TTC24: variants seen among roughly 807,000 people sequenced by gnomAD.
The protein encoded by TTC24 is tetratricopeptide repeat protein 24.
In TTC24, 54 loss-of-function variants were observed where a neutral mutation model predicts 63.3. The observed-to-expected ratio is 0.85, with a 90% CI of 0.69 to 1.07. The LOEUF (loss-of-function observed/expected upper bound fraction) is 1.07. Among genes scored for constraint, TTC24 ranks in the 50% least tolerant of loss-of-function variants. The pLI, the probability that TTC24 is intolerant of heterozygous loss-of-function variation, is 0.00. For missense variants in TTC24, 680 were observed against 730.5 expected, an observed-to-expected ratio of 0.93 and a Z score of 0.80; for synonymous variants, 276 against 304.3, an observed-to-expected ratio of 0.91 and a Z score of 0.97.
chr1:156,585,400 C>T, intron 8 of TTC24, 169 bp downstream of exon 8: 1 of 621,200 alleles, frequency 1.6e-6, no homozygotes, highest in Non-Finnish European at 2.8e-6. Context: ...CCCTGGCTGT[C>T]CCAGTTCGCA....
Position 156,581,986 on chromosome 1 carries a change from G to A in TTC24, c.622G>A (p.Gly208Arg). ...GAAAGCMLKSGRHRVGEVVQV... is the reference protein window; with the variant it reads ...GAAAGCMLKSRRHRVGEVVQV... The stretch of plus-strand genomic sequence containing the variant: ...TGCGGCAGGATGTATGCTGAAGAGT[G>A]GGCGGCATCGGGTGGGGGAAGTTGT... The change falls in exon 2 of 11, where the codon GGG becomes AGG. Residue 208 changes from glycine to arginine, a missense_variant. Coordinates refer to ENST00000368236, the MANE Select transcript of TTC24 (RefSeq NM_001105669.4). 2.6e-6 allele frequency: 4 copies of A among 1,512,642 alleles called. No individual in the cohort carries two copies. The highest frequency in any genetic ancestry group is 2.6e-5 in the South Asian group (2 of 77,840). The allele number at this position is 1,512,642 out of a possible 1,614,324, so 93.7% of individuals were successfully genotyped here.
chr1:156,581,485 A>G lies in TTC24; in HGVS notation c.121A>G (p.Arg41Gly). The change falls in exon 2 of 11, where the codon AGG becomes GGG. Residue 41 changes from arginine to glycine, a missense_variant. By Grantham distance (125) the Arg-to-Gly change is moderately radical (BLOSUM62 -2). Coordinates refer to ENST00000368236, the MANE Select transcript of TTC24 (RefSeq NM_001105669.4). ...AGAAGCCAGCATCCAAGCCCTCACCAGGGCTGGCCATGGGGCCCTTCAGGC... is the reference window on the plus strand; with the variant it reads ...AGAAGCCAGCATCCAAGCCCTCACCGGGGCTGGCCATGGGGCCCTTCAGGC... ...RQEASIQALT[R>G]AGHGALQAGQ... The G allele has an allele frequency of 6.4e-7, 1 of 1,551,404 alleles. No homozygotes were observed. Among genetic ancestry groups the G allele is most frequent in the Non-Finnish European group, 8.7e-7 (1 of 1,146,784 alleles).
In TTC24 at chr1:156,585,157, A is replaced by G. The variant is rs765702288; in HGVS notation, c.1382A>G (p.Glu461Gly). 9.9e-6 allele frequency: 16 copies of G among 1,613,274 alleles called. No homozygotes were observed. The African/African-American group carries it at 1.3e-4, about 13-fold the overall frequency. The part of the protein sequence containing the change: ...SSSGWEDEEF[E>G]EGHQKKKEER... ...AGTGGGTGGGAAGATGAAGAGTTTGAGGAGGGCCACCAGAAGAAAAAAGAG... is the reference window on the plus strand; with the variant it reads ...AGTGGGTGGGAAGATGAAGAGTTTGGGGAGGGCCACCAGAAGAAAAAAGAG... Residue 461 changes from glutamate to glycine, a missense_variant, in exon 8 of 11, where the codon GAG (glutamate) becomes GGG (glycine). Physicochemically the swap from Glu to Gly is moderately conservative, Grantham distance 98 (BLOSUM62 -2). Transcript: ENST00000368236.
Position 156,585,129 on chromosome 1 carries a change from T to C in TTC24, c.1354T>C (p.Ser452Pro), listed in dbSNP as rs1414754800. 4 of 1,610,782 alleles carry C rather than the reference T, an allele frequency of 2.5e-6. No homozygotes were observed. The highest frequency in any genetic ancestry group is 3.4e-6 in the Non-Finnish European group (4 of 1,178,400). The change falls in exon 8 of 11, where the codon TCC becomes CCC. Residue 452 changes from serine (S) to proline (P), a missense_variant. Coordinates refer to ENST00000368236, the MANE Select transcript of TTC24 (RefSeq NM_001105669.4). Reference protein sequence around the residue: ...SSTAGVQHRSSSGWEDEEFEE... With the variant: ...SSTAGVQHRSPSGWEDEEFEE... ...CCTGGTTCCTTGCCCCTACAGATCTTCCAGTGGGTGGGAAGATGAAGAGTT... is the reference window on the plus strand; with the variant it reads ...CCTGGTTCCTTGCCCCTACAGATCTCCCAGTGGGTGGGAAGATGAAGAGTT...
chr1:156,585,683 G>T, intron 8 of TTC24, 30 bp from the exon 9 acceptor site: 1 of 1,512,610 alleles, frequency 6.6e-7, no homozygotes, highest in Non-Finnish European at 9.2e-7. Context: ...TTGTTGAGCT[G>T]ACCTGAATTT....
intron 10 of TTC24, 115 bp from the exon 11 acceptor site, chr1:156,586,354 C>A (rs974905851): frequency 3.6e-6 from 3 of 840,734 alleles, no homozygotes; most frequent in Middle Eastern, 3.4e-4. Flanking sequence ...TTCTCTGGAG[C>A]CCACCAGCAG....
At position 156,587,478 on chromosome 1, in the gene TTC24, AT is replaced by A. The variant is rs1321319130; in HGVS notation, c.*929del. ...TACCCAGAGTCCATTGTGATTTAAT[AT>A]CAAGTGTGTCTATGCCCGTTGTATG... On this transcript the variant is annotated 3_prime_UTR_variant, in exon 11 of 11. Transcript: ENST00000368236. 3.9e-5 allele frequency among the ~76,000 whole-genome samples: 6 copies of A among 152,206 alleles called. No individual in the cohort carries two copies. The highest frequency in any genetic ancestry group is 8.8e-5 in the Non-Finnish European group (6 of 68,042).
In TTC24 at chr1:156,581,896, C is replaced by T; in HGVS notation, c.532C>T (p.Gln178Ter). ...GCCTGAGCTAGCAGCCCACTGCCTGCAGGAAGCAAGCCAGGCCTATGCTCA... is the reference window on the plus strand; with the variant it reads ...GCCTGAGCTAGCAGCCCACTGCCTGTAGGAAGCAAGCCAGGCCTATGCTCA... The part of the protein sequence containing the change: ...GQPELAAHCL[Q>*]EASQAYAQER... The change falls in exon 2 of 11, where the codon CAG becomes TAG. Residue 178 changes from glutamine to a stop codon, truncating the protein, a stop_gained. Coordinates refer to ENST00000368236, the MANE Select transcript of TTC24 (RefSeq NM_001105669.4). LOFTEE classifies it high-confidence loss of function. The T allele has an allele frequency of 6.5e-7, 1 of 1,547,250 alleles. No homozygotes were observed. The highest frequency in any genetic ancestry group is 8.7e-7 in the Non-Finnish European group (1 of 1,144,486).
At position 156,582,236 on chromosome 1, in the gene TTC24, C is replaced by T; in HGVS notation, c.712C>T (p.Leu238Phe). The T allele has an allele frequency of 6.4e-7, 1 of 1,551,276 alleles. No individual in the cohort carries two copies. The highest frequency in any genetic ancestry group is 2.0e-5 in the Admixed American group (1 of 50,972). ...RSTERRLLGH[L>F]YNDLGLGYSQ... ...ACCCTGGCTATTCCCTCTAGGGCACCTCTATAACGATCTAGGCCTGGGCTA... is the reference window on the plus strand; with the variant it reads ...ACCCTGGCTATTCCCTCTAGGGCACTTCTATAACGATCTAGGCCTGGGCTA... Residue 238 changes from leucine to phenylalanine, a missense_variant, in exon 3 of 11, where the codon CTC becomes TTC. Leu to Phe is a conservative substitution (Grantham distance 22). Transcript: ENST00000368236.
At chr1:156,585,874 CAG>C in intron 9 of TTC24, 48 bp downstream of exon 9, 1 of 1,595,200 alleles carries the variant, frequency 6.3e-7, no homozygotes, top group Non-Finnish European at 8.6e-7. Context: ...GTTCTTCTCT[CAG>C]AGCTTTTTTC....
In TTC24 at chr1:156,585,820, A is replaced by G; in HGVS notation, c.1564A>G (p.Ile522Val). The part of the protein sequence containing the change: ...CRGTVLGKAS[I>V]YSPGPRAHLP... ...AGGGACAGTCCTCGGCAAAGCCTCC[A>G]TCTATAGTGAGCAGTGCATCCCCTG... The change falls in exon 9 of 11, where the codon ATC becomes GTC. Residue 522 changes from isoleucine to valine, a missense_variant. Physicochemically the swap from Ile to Val is conservative, Grantham distance 29. Transcript: ENST00000368236. 1 of 1,612,590 alleles carries G rather than the reference A, an allele frequency of 6.2e-7. No homozygotes were observed. The highest frequency in any genetic ancestry group is 1.1e-5 in the South Asian group (1 of 91,052).
At chr1:156,584,571 G>A in intron 6 of TTC24, 2 of 315,506 alleles carry the variant, frequency 6.3e-6, no homozygotes, top group Non-Finnish European at 5.8e-6. Context: ...TGAGGGGTCA[G>A]AATACCTGGG....
At position 156,586,547 on chromosome 1, in the gene TTC24, G is replaced by A. The variant is rs377001065; in HGVS notation, c.1746G>A (p.Val582=). Residue 582 remains valine (V), a synonymous_variant, in exon 11 of 11, where the codon GTG becomes GTA. Coordinates refer to ENST00000368236, the MANE Select transcript of TTC24 (RefSeq NM_001105669.4). ...RPMESGICTI[V] ...TGGAGTCGGGCATCTGCACTATTGT[G>A]TGACCTCCCCCTGCCAGCCTCAGCC... The A allele has an allele frequency of 6.0e-5, 97 of 1,613,018 alleles. No homozygotes were observed. In the African/African-American group the frequency reaches 9.9e-4, roughly 16 times the overall value.
In TTC24 at chr1:156,585,715, T is replaced by C. The variant is rs1478992238; in HGVS notation, c.1459T>C (p.Cys487Arg). The C allele has an allele frequency of 6.2e-7, 1 of 1,611,836 alleles. No homozygotes were observed. The highest frequency in any genetic ancestry group is 1.7e-5 in the Admixed American group (1 of 60,002). Residue 487 changes from cysteine (C) to arginine (R), a missense_variant and splice_region_variant, in exon 9 of 11, where the codon TGT (cysteine) becomes CGT (arginine). Physicochemically the swap from Cys to Arg is radical, Grantham distance 180. Coordinates refer to ENST00000368236, the MANE Select transcript of TTC24 (RefSeq NM_001105669.4). ...ATTTACCGATGTCTCCTTTTCAGTG[T>C]GTTTCCTTCCAGGCACAGTGAATCA... is the stretch of plus-strand genomic sequence containing the variant. The part of the protein sequence containing the change: ...VRAGPGRPEL[C>R]FLPGTVNHSH...
intron 1 of TTC24, among the ~76,000 whole-genome samples, chr1:156,581,026 C>T (rs1020495822): frequency 7.9e-5 from 12 of 152,170 alleles, no homozygotes; most frequent in African/African-American, 2.7e-4. Context: ...AAGTCATCAG[C>T]TCTGACCCAG....
At position 156,585,981 on chromosome 1, in the gene TTC24, G is replaced by T; in HGVS notation, c.1603G>T (p.Gly535Cys). 1 of 1,596,824 alleles carries T rather than the reference G, an allele frequency of 6.3e-7. No individual in the cohort carries two copies. Among genetic ancestry groups the T allele is most frequent in the East Asian group, 2.3e-5 (1 of 44,178 alleles). The change falls in exon 10 of 11, where the codon GGT (glycine) becomes TGT (cysteine). Residue 535 changes from glycine (G) to cysteine (C), a missense_variant. Transcript: ENST00000368236. Reference sequence around the variant, plus strand: ...ACCCAGGGCCCATCTTCCATTTGTAGGTCCAGGCCCTCCCAGAGCGGAGTA... The same window carrying T: ...ACCCAGGGCCCATCTTCCATTTGTATGTCCAGGCCCTCCCAGAGCGGAGTA... The part of the protein sequence containing the change: ...PGPRAHLPFV[G>C]PGPPRAEYPS...
At position 156,582,480 on chromosome 1, in the gene TTC24, G is replaced by A. The variant is rs748258725; in HGVS notation, c.910+46G>A. The A allele has an allele frequency of 8.2e-6, 13 of 1,578,424 alleles. No individual in the cohort carries two copies. The East Asian group carries it at 2.7e-4, about 33-fold the overall frequency. On this transcript the variant is annotated intron_variant, in intron 3 of 10. Transcript: ENST00000368236. ...AATGGGACTGGGACTAAGACACTAA[G>A]AAGGGGTTCCAAAAGGGGCCCAAGG...
rs1571386356 is a variant in TTC24 at position 156,585,290 on chromosome 1, C to A, written c.1456+59C>A. 1.7e-5 allele frequency: 23 copies of A among 1,359,874 alleles called. No individual in the cohort carries two copies. In the South Asian group the frequency reaches 2.7e-4, roughly 16 times the overall value. The allele number at this position is 1,359,874 out of a possible 1,614,324, so 84.2% of individuals were successfully genotyped here. A position where few individuals can be genotyped will look rare whatever the true frequency, so the allele number is the denominator to read the frequency against. Reference sequence around the variant, plus strand: ...CTCCTTACTGCAAATATGGCACTCCCACCCCCACCCGCCTGCCTCCGCTTC... The same window carrying A: ...CTCCTTACTGCAAATATGGCACTCCAACCCCCACCCGCCTGCCTCCGCTTC... On this transcript the variant is annotated intron_variant, in intron 8 of 10. Coordinates refer to ENST00000368236, the MANE Select transcript of TTC24 (RefSeq NM_001105669.4).
At position 156,581,859 on chromosome 1, in the gene TTC24, G is replaced by A; in HGVS notation, c.495G>A (p.Gln165=). ...GGGCAAAAATGGGAGCCTGCTACCA[G>A]GCTCTGGGACAGCCTGAGCTAGCAG... ...EAWAKMGACY[Q]ALGQPELAAH... Residue 165 remains glutamine, a synonymous_variant, in exon 2 of 11, where the codon CAG becomes CAA. Coordinates refer to ENST00000368236, the MANE Select transcript of TTC24 (RefSeq NM_001105669.4). 1 of 1,549,994 alleles carries A rather than the reference G, an allele frequency of 6.5e-7. No individual in the cohort carries two copies. The highest frequency in any genetic ancestry group is 8.7e-7 in the Non-Finnish European group (1 of 1,145,904).
Sources: gnomAD v4.1 joint callset for allele counts (sites outside exome capture counted in the v4.1 genomes callset) on GRCh38, gnomAD v4.1.1 for gene constraint, MANE v1.5 for transcripts, NCBI Gene and HGNC (gene_info 2026-07-23, HGNC 2026-07-21) for gene names.